Variants in RBM14 observed in about 807,000 individuals in gnomAD.
RBM14 encodes the protein RNA binding motif protein 14.
Under a neutral mutation model 52.8 loss-of-function variants are expected in RBM14, and 5 were observed. That is an observed-to-expected ratio of 0.09 (90% CI 0.05 to 0.20). The LOEUF (loss-of-function observed/expected upper bound fraction) is 0.20. RBM14 is among the 10% of genes least tolerant of loss of function. RBM14 has a pLI of 1.00. For missense variants in RBM14, 780 were observed against 926.6 expected (o/e 0.84, Z 2.05); for synonymous variants, 411 against 401.8 (o/e 1.02, Z -0.28).
chr11:66,629,364 C>T lies in RBM14; in HGVS notation c.*2696C>T, dbSNP rs1350177350. ...ACCTAGAGGCTTTTAGCCTTGTCAGCCTGCCCTCTTCTGAGGTTTGGACCT... is the reference window on the plus strand; with the variant it reads ...ACCTAGAGGCTTTTAGCCTTGTCAGTCTGCCCTCTTCTGAGGTTTGGACCT... On this transcript the variant is annotated 3_prime_UTR_variant, in exon 3 of 3. Coordinates refer to ENST00000310137, the MANE Select transcript of RBM14 (RefSeq NM_006328.4). 2.0e-5 allele frequency among the ~76,000 whole-genome samples: 3 copies of T among 152,172 alleles called. No individual in the cohort carries two copies. The highest frequency in any genetic ancestry group is 4.4e-5 in the Non-Finnish European group (3 of 68,030).
In RBM14 at chr11:66,624,056, T is replaced by C; in HGVS notation, c.338-158T>C. The stretch of plus-strand genomic sequence containing the variant: ...TGGGACAGTCAGAAGCTTTGTTATA[T>C]GGGAGCTACATTTTATGACATACTC... On this transcript the variant is annotated intron_variant, in intron 1 of 2. Coordinates refer to ENST00000310137, the MANE Select transcript of RBM14 (RefSeq NM_006328.4). This position sits in a 1 kb window ranked among gnomAD's most constrained non-coding sequence, Gnocchi z 4.7. 8.1e-7 allele frequency: 1 copy of C among 1,233,724 alleles called. No homozygotes were observed. The highest frequency in any genetic ancestry group is 2.1e-4 in the Middle Eastern group (1 of 4,788). 76.4% of individuals were successfully genotyped at this position (1,233,724 alleles called of 1,614,324 possible). A position where few individuals can be genotyped will look rare whatever the true frequency, so the allele number is the denominator to read the frequency against.
In RBM14 at chr11:66,624,960, G is replaced by A; in HGVS notation, c.1084G>A (p.Ala362Thr). The A allele has an allele frequency of 1.2e-6, 2 of 1,613,920 alleles. No homozygotes were observed. Among genetic ancestry groups the A allele is most frequent in the Middle Eastern group, 1.6e-4 (1 of 6,062 alleles). The change falls in exon 2 of 3, where the codon GCT (alanine) becomes ACT (threonine). Residue 362 changes from alanine (A) to threonine (T), a missense_variant. Physicochemically the swap from Ala to Thr is moderately conservative, Grantham distance 58 (BLOSUM62 0). Around this residue, in one of 4 missense-constraint regions of RBM14, gnomAD observed 675 missense variants for 697.3 expected, o/e 0.97. Transcript: ENST00000310137. The surrounding 1 kb of genome is among the most constrained non-coding windows in gnomAD (Gnocchi z 4.7). Reference sequence around the variant, plus strand: ...CTCTTCCTATGGGGTTCGTGCAGCTGCTTCTTCCTACAACACCCAGGGAGC... The same window carrying A: ...CTCTTCCTATGGGGTTCGTGCAGCTACTTCTTCCTACAACACCCAGGGAGC... ...AASSYGVRAAASSYNTQGAAS... is the reference protein window; with the variant it reads ...AASSYGVRAATSSYNTQGAAS...
In RBM14 at chr11:66,624,694, A is replaced by G; in HGVS notation, c.818A>G (p.Tyr273Cys). The stretch of plus-strand genomic sequence containing the variant: ...CCCATGACAGCCCAGGCAGCCTCTT[A>G]CCGCGCTCAGCCCTCTGTCTCCCTT... ...TQPMTAQAAS[Y>C]RAQPSVSLGA... Residue 273 changes from tyrosine to cysteine, a missense_variant, in exon 2 of 3, where the codon TAC (tyrosine) becomes TGC (cysteine). Physicochemically the swap from Tyr to Cys is radical, Grantham distance 194. Coordinates refer to ENST00000310137, the MANE Select transcript of RBM14 (RefSeq NM_006328.4). This position sits in a 1 kb window ranked among gnomAD's most constrained non-coding sequence, Gnocchi z 4.7. 1 of 1,613,562 alleles carries G rather than the reference A, an allele frequency of 6.2e-7. No individual in the cohort carries two copies.
chr11:66,625,045 C>T lies in RBM14; in HGVS notation c.1169C>T (p.Ala390Val), dbSNP rs1332832997. 2.5e-6 allele frequency: 4 copies of T among 1,613,154 alleles called. No individual in the cohort carries two copies. Among genetic ancestry groups the T allele is most frequent in the Non-Finnish European group, 3.4e-6 (4 of 1,179,780 alleles). ...QAASYGAQSA[A>V]SSLAYGAQAA... ...GCCTCCTATGGGGCCCAGTCTGCAGCCTCCTCACTAGCTTATGGAGCCCAG... is the reference window on the plus strand; with the variant it reads ...GCCTCCTATGGGGCCCAGTCTGCAGTCTCCTCACTAGCTTATGGAGCCCAG... The change falls in exon 2 of 3, where the codon GCC (alanine) becomes GTC (valine). Residue 390 changes from alanine (A) to valine (V), a missense_variant. By Grantham distance (64) the Ala-to-Val change is moderately conservative. Coordinates refer to ENST00000310137, the MANE Select transcript of RBM14 (RefSeq NM_006328.4). The surrounding 1 kb of genome is among the most constrained non-coding windows in gnomAD (Gnocchi z 4.2).
In RBM14 at chr11:66,627,037, G is replaced by A. The variant is rs1590849777; in HGVS notation, c.*369G>A. 5 of 181,682 alleles carry A rather than the reference G, an allele frequency of 2.8e-5. 1 individual carries two copies. Among genetic ancestry groups the A allele is most frequent in the Non-Finnish European group, 1.1e-5 (1 of 87,406 alleles). 11.3% of individuals were successfully genotyped at this position (181,682 alleles called of 1,614,324 possible). A position where few individuals can be genotyped will look rare whatever the true frequency, so the allele number is the denominator to read the frequency against. On this transcript the variant is annotated 3_prime_UTR_variant, in exon 3 of 3. Transcript: ENST00000310137. ...GCAACCTGCAGCTGAGGTCGCCGGC[G>A]CCTTTTTCTTTTTAGATGGGAAGGA...
At chr11:66,623,425 C>T (rs1364316162) in intron 1 of RBM14, among the ~76,000 whole-genome samples, 1 of 152,162 alleles carries the variant, frequency 6.6e-6, no homozygotes, top group African/African-American at 2.4e-5. Flanking sequence ...CTTGACTTCT[C>T]AGGGATAGAT....
Position 66,623,935 on chromosome 11 carries a change from AT to A in RBM14, c.338-278del, listed in dbSNP as rs747273987. The A allele has an allele frequency of 1.5e-3, 1,071 of 720,254 alleles. 1 individual carries two copies. The highest frequency in any genetic ancestry group is 4.1e-3 in the Admixed American group (203 of 50,016). The allele number at this position is 720,254 out of a possible 1,614,324, so 44.6% of individuals were successfully genotyped here. A position where few individuals can be genotyped will look rare whatever the true frequency, so the allele number is the denominator to read the frequency against. On this transcript the variant is annotated intron_variant, in intron 1 of 2. Coordinates refer to ENST00000310137, the MANE Select transcript of RBM14 (RefSeq NM_006328.4). ...AGATTTTTATCCTGTGTTGCAGTTC[AT>A]CTTTGCTCCTTCTTCTCTCACCAGG...
intron 2 of RBM14, 142 bp from the exon 3 acceptor site, chr11:66,626,319 G>C: frequency 1.2e-6 from 1 of 831,384 alleles, no homozygotes. Context: ...ATAGGGTGAT[G>C]AGCCTTCTGA....
intron 1 of RBM14, chr11:66,618,445 G>A: frequency 1.4e-6 from 1 of 716,494 alleles, no homozygotes; most frequent in South Asian, 1.5e-5. Flanking sequence ...CCACTACTAG[G>A]AACAAGTCCT....
rs748405450 is a variant in RBM14, at chr11:66,625,690, C to T, written c.1802+12C>T. ...GCCATGTCGAAAAGGTACTGTATGC[C>T]CCCCCGCCTCTGCCCCCAGCTGGGG... On this transcript the variant is annotated intron_variant, in intron 2 of 2. Transcript: ENST00000310137. This position sits in a 1 kb window ranked among gnomAD's most constrained non-coding sequence, Gnocchi z 4.2. The T allele has an allele frequency of 1.3e-5, 20 of 1,564,208 alleles. No homozygotes were observed. Among genetic ancestry groups the T allele is most frequent in the Admixed American group, 3.5e-5 (2 of 56,970 alleles).
At chr11:66,622,270 C>G (rs1353326391) in intron 1 of RBM14, among the ~76,000 whole-genome samples, 2 of 145,930 alleles carry the variant, frequency 1.4e-5, no homozygotes, top group Non-Finnish European at 3.0e-5. Context: ...CTTGCTGTGT[C>G]ACCCAGACTG....
intron 2 of RBM14, 139 bp from the exon 3 acceptor site, chr11:66,626,322 C>A: frequency 1.2e-6 from 1 of 850,946 alleles, no homozygotes; most frequent in Non-Finnish European, 1.8e-6. Context: ...GGGTGATGAG[C>A]CTTCTGACAA....
chr11:66,626,440 C>T, intron 2 of RBM14, 21 bp from the exon 3 acceptor site: 2 of 1,600,778 alleles, frequency 1.2e-6, no homozygotes, highest in Non-Finnish European at 1.7e-6. Context: ...CATTCACCAA[C>T]TGTCTTCTTC....
intron 1 of RBM14, chr11:66,618,621 G>C (rs1449773672): frequency 2.8e-6 from 2 of 714,294 alleles, no homozygotes; most frequent in African/African-American, 3.5e-5. Flanking sequence ...TCTCAGATTG[G>C]GTACTTGTCC....
In RBM14 at chr11:66,625,224, G is replaced by T; in HGVS notation, c.1348G>T (p.Ala450Ser). 1.2e-6 allele frequency: 2 copies of T among 1,610,728 alleles called. No homozygotes were observed. ...AAYASQPAAY[A>S]AQATTPMAGS... ...CTATGCCAGCCAGCCAGCAGCCTAC[G>T]CCGCACAAGCCACTACCCCAATGGC... The change falls in exon 2 of 3, where the codon GCC becomes TCC. Residue 450 changes from alanine to serine, a missense_variant. Ala to Ser is a moderately conservative substitution (Grantham distance 99, BLOSUM62 1). Coordinates refer to ENST00000310137, the MANE Select transcript of RBM14 (RefSeq NM_006328.4). The surrounding 1 kb of genome is among the most constrained non-coding windows in gnomAD (Gnocchi z 4.2).
In RBM14 at chr11:66,625,080, TATA is replaced by T; in HGVS notation, c.1207_1209del (p.Asn403del). ...AGCTTATGGAGCCCAGGCAGCTTCATATAATGCCCAGCCCTCGGCCTCTTACAA... is the reference window on the plus strand; with the variant it reads ...AGCTTATGGAGCCCAGGCAGCTTCATATGCCCAGCCCTCGGCCTCTTACAA... On this transcript the variant is annotated inframe_deletion, in exon 2 of 3. Coordinates refer to ENST00000310137, the MANE Select transcript of RBM14 (RefSeq NM_006328.4). The surrounding 1 kb of genome is among the most constrained non-coding windows in gnomAD (Gnocchi z 4.2). 1.2e-6 allele frequency: 2 copies of T among 1,613,496 alleles called. No homozygotes were observed. The highest frequency in any genetic ancestry group is 1.7e-6 in the Non-Finnish European group (2 of 1,179,878).
chr11:66,627,949 C>T lies in RBM14; in HGVS notation c.*1281C>T, dbSNP rs1937890104. Among the ~76,000 whole-genome samples, 2 of 152,144 alleles carry T rather than the reference C, an allele frequency of 1.3e-5. No homozygotes were observed. Among genetic ancestry groups the T allele is most frequent in the Admixed American group, 1.3e-4 (2 of 15,262 alleles). On this transcript the variant is annotated 3_prime_UTR_variant, in exon 3 of 3. Transcript: ENST00000310137. ...TTGCCTGTTGAGCTGTACCATGGAG[C>T]ATCCTCCTGTGTCCTGCCAACCCCT...
At chr11:66,623,471 T>C (rs987867106) in intron 1 of RBM14, among the ~76,000 whole-genome samples, 1 of 152,216 alleles carries the variant, frequency 6.6e-6, no homozygotes, top group African/African-American at 2.4e-5. Flanking sequence ...GCTGTGATTC[T>C]GGTCCTGACT....
In RBM14 at chr11:66,625,689, C is replaced by G. The variant is rs555383852; in HGVS notation, c.1802+11C>G. The G allele has an allele frequency of 6.4e-7, 1 of 1,565,358 alleles. No homozygotes were observed. The highest frequency in any genetic ancestry group is 1.8e-5 in the Admixed American group (1 of 57,036). Reference sequence around the variant, plus strand: ...CGCCATGTCGAAAAGGTACTGTATGCCCCCCCGCCTCTGCCCCCAGCTGGG... The same window carrying G: ...CGCCATGTCGAAAAGGTACTGTATGGCCCCCCGCCTCTGCCCCCAGCTGGG... On this transcript the variant is annotated intron_variant, in intron 2 of 2. Coordinates refer to ENST00000310137, the MANE Select transcript of RBM14 (RefSeq NM_006328.4). The surrounding 1 kb of genome is among the most constrained non-coding windows in gnomAD (Gnocchi z 4.2).
Sources: gnomAD v4.1 joint callset for allele counts (sites outside exome capture counted in the v4.1 genomes callset) on GRCh38, gnomAD v4.1.1 for gene constraint, gnomAD v4.1.1 regional missense constraint, Gnocchi (gnomAD v3.1) non-coding constraint, MANE v1.5 for transcripts, NCBI Gene and HGNC (gene_info 2026-07-23, HGNC 2026-07-21) for gene names.